Variants in PTPRF observed in about 807,000 individuals in gnomAD.
PTPRF encodes receptor-type tyrosine-protein phosphatase F.
Under a neutral mutation model 201.8 loss-of-function variants are expected in PTPRF, and 59 were observed. The ratio of observed to expected loss-of-function variants is 0.29; its 90% confidence interval spans 0.24 to 0.36. PTPRF has a LOEUF of 0.36. Ranked by LOEUF, PTPRF falls within the 10% of genes least tolerant of loss-of-function variation. The probability of loss-of-function intolerance (pLI) is 1.00; values close to 1 mark genes in which losing one functional copy is unlikely to be tolerated. For synonymous variants in PTPRF, 1,088 were observed against 1,089.7 expected (o/e 1.00, Z 0.03); for missense variants, 2,132 against 2,690.5 (o/e 0.79, Z 4.59).
rs1189049815 is a variant in PTPRF, at chr1:43,591,380, C to T, written c.1358C>T (p.Pro453Leu). ...LVRGYRVYYT[P>L]DSRRPPNAWH... is the part of the protein sequence containing the mutation. ...CGGGGATACCGCGTCTACTATACTC[C>T]GGACTCCCGCCGCCCCCCGAACGCC... Residue 453 changes from proline (P) to leucine (L), a missense_variant, in exon 9 of 34, where the codon CCG (proline) becomes CTG (leucine). Physicochemically the swap from Pro to Leu is moderately conservative, Grantham distance 98 (BLOSUM62 -3). Coordinates refer to ENST00000359947, the MANE Select transcript of PTPRF (RefSeq NM_002840.5). 3 of 1,557,490 alleles carry T rather than the reference C, an allele frequency of 1.9e-6. No homozygotes were observed. Among genetic ancestry groups the T allele is most frequent in the Non-Finnish European group, 1.7e-6 (2 of 1,152,184 alleles).
At chr1:43,573,620 G>C (rs370485627) in intron 6 of PTPRF, among the ~76,000 whole-genome samples, 4 of 152,350 alleles carry the variant, frequency 2.6e-5, no homozygotes, top group East Asian at 1.9e-4. Flanking sequence ...CACACTGCCA[G>C]TGCATGCTCA....
chr1:43,621,800 C>G (rs1659276190), intron 33 of PTPRF, 135 bp from the exon 34 acceptor site: 1 of 802,794 alleles, frequency 1.2e-6, no homozygotes, highest in African/African-American at 1.7e-5. Context: ...CGCACACTGC[C>G]TGATGTAGCT....
In PTPRF at chr1:43,618,612, C is replaced by T. The variant is rs545008210; in HGVS notation, c.4372-18C>T. 4.4e-6 allele frequency: 7 copies of T among 1,589,252 alleles called. No individual in the cohort carries two copies. In the African/African-American group the frequency reaches 8.1e-5, roughly 18 times the overall value. ...GCCTGTGGGCTTCCTTCAGCCTGCC[C>T]TGCTCATCCTCCTGCAGGTAAAATG... On this transcript the variant is annotated intron_variant, in intron 25 of 33. Transcript: ENST00000359947.
At chr1:43,539,031 C>T (rs1428155155) in intron 2 of PTPRF, among the ~76,000 whole-genome samples, 1 of 152,192 alleles carries the variant, frequency 6.6e-6, no homozygotes, top group Admixed American at 6.5e-5. Context: ...TTCATTCTTT[C>T]ACGGAACACT....
rs1177836675 is a variant in PTPRF, at chr1:43,588,410, T to A, written c.680-321T>A. 6.6e-6 allele frequency among the ~76,000 whole-genome samples: 1 copy of A among 152,120 alleles called. No homozygotes were observed. The highest frequency in any genetic ancestry group is 1.5e-5 in the Non-Finnish European group (1 of 68,024). ...GACCAGGCCTGGACCTTGTACTGAG[T>A]CCCTGTGTGACCCTGGGCAGACAGG... On this transcript the variant is annotated intron_variant, in intron 7 of 33. Transcript: ENST00000359947. The surrounding 1 kb of genome is among the most constrained non-coding windows in gnomAD (Gnocchi z 5.3).
intron 1 of PTPRF, among the ~76,000 whole-genome samples, chr1:43,531,493 G>T (rs996622388): frequency 6.9e-6 from 1 of 145,556 alleles, no homozygotes; most frequent in Non-Finnish European, 1.5e-5. Flanking sequence ...CGCGCTCCGG[G>T]GGCGGCCCTC....
chr1:43,609,296 G>A, intron 21 of PTPRF, 87 bp from the exon 22 acceptor site: 1 of 1,064,094 alleles, frequency 9.4e-7, no homozygotes, highest in East Asian at 2.5e-5. Flanking sequence ...CCGTGGACAT[G>A]GGGGCTCCTT....
intron 5 of PTPRF, among the ~76,000 whole-genome samples, chr1:43,566,574 G>C (rs141282046): frequency 9.1e-4 from 138 of 152,342 alleles, no homozygotes; most frequent in African/African-American, 3.2e-3. Flanking sequence ...TGATAGATCA[G>C]TTTACACCAG....
chr1:43,579,001 T>C, intron 7 of PTPRF, 81 bp downstream of exon 7: 1 of 1,313,414 alleles, frequency 7.6e-7, no homozygotes, highest in Non-Finnish European at 1.1e-6. Context: ...GAGCCCTTGG[T>C]GCAGACACGC....
At chr1:43,533,136 C>T (rs1333773029) in intron 1 of PTPRF, among the ~76,000 whole-genome samples, 1 of 152,050 alleles carries the variant, frequency 6.6e-6, no homozygotes, top group Non-Finnish European at 1.5e-5. Flanking sequence ...TTCCTCTTCC[C>T]TCTTTCTTTC....
In PTPRF at chr1:43,603,314, G is replaced by A; in HGVS notation, c.2341-102G>A. 1 of 1,023,318 alleles carries A rather than the reference G, an allele frequency of 9.8e-7. No individual in the cohort carries two copies. The highest frequency in any genetic ancestry group is 1.5e-6 in the Non-Finnish European group (1 of 657,112). The allele number at this position is 1,023,318 out of a possible 1,614,324, so 63.4% of individuals were successfully genotyped here. A position where few individuals can be genotyped will look rare whatever the true frequency, so the allele number is the denominator to read the frequency against. ...CACCTTCCACAACCCCTGGCCTTGT[G>A]TGCCCCGGGGCTCCCCTCAGGCTAG... On this transcript the variant is annotated intron_variant, in intron 14 of 33. Transcript: ENST00000359947. This position sits in a 1 kb window ranked among gnomAD's most constrained non-coding sequence, Gnocchi z 5.8.
intron 22 of PTPRF, among the ~76,000 whole-genome samples, chr1:43,610,797 A>T (rs1020420461): frequency 6.6e-6 from 1 of 152,230 alleles, no homozygotes; most frequent in Non-Finnish European, 1.5e-5. Flanking sequence ...CCCAGGAGGT[A>T]GAGGTTGCGT....
intron 1 of PTPRF, among the ~76,000 whole-genome samples, chr1:43,534,907 G>A (rs1643908299): frequency 6.6e-6 from 1 of 152,182 alleles, no homozygotes; most frequent in Admixed American, 6.5e-5. Flanking sequence ...TTTGTCAAAT[G>A]ATTATAATAA....
intron 2 of PTPRF, among the ~76,000 whole-genome samples, chr1:43,540,879 G>A (rs1370832334): frequency 6.6e-6 from 1 of 152,270 alleles, no homozygotes; most frequent in Non-Finnish European, 1.5e-5. Flanking sequence ...TAATCCAGTG[G>A]TTGGTTTGGT....
chr1:43,621,374 G>A lies in PTPRF; in HGVS notation c.5655+142G>A, dbSNP rs868778393. The A allele has an allele frequency of 5.9e-6, 7 of 1,189,896 alleles. No homozygotes were observed. The African/African-American group carries it at 7.7e-5, about 13-fold the overall frequency. 73.7% of individuals were successfully genotyped at this position (1,189,896 alleles called of 1,614,324 possible). On this transcript the variant is annotated intron_variant, in intron 33 of 33. Coordinates refer to ENST00000359947, the MANE Select transcript of PTPRF (RefSeq NM_002840.5). ...TCACGTGGCCTGCGATAGGCATGGTGGTGTGTGCTTATGGTCCTACCTACT... is the reference window on the plus strand; with the variant it reads ...TCACGTGGCCTGCGATAGGCATGGTAGTGTGTGCTTATGGTCCTACCTACT...
At chr1:43,543,872 C>G (rs144766441) in intron 2 of PTPRF, among the ~76,000 whole-genome samples, 1 of 152,200 alleles carries the variant, frequency 6.6e-6, no homozygotes, top group Admixed American at 6.5e-5. Flanking sequence ...CATGAGGGAT[C>G]GACCACGTCT....
At chr1:43,578,397 G>A (rs2153997502) in intron 6 of PTPRF, among the ~76,000 whole-genome samples, 1 of 152,334 alleles carries the variant, frequency 6.6e-6, no homozygotes. Flanking sequence ...TCCCAGGCCC[G>A]CCAGTCTGCA....
In PTPRF at chr1:43,611,855, C is replaced by T. The variant is rs557946783; in HGVS notation, c.3974-1763C>T. ...TGAATGAGCAGGGGGTAGGGGTGTCCTGGGGCTGGTGGGTCTGTGGGTCTG... is the reference window on the plus strand; with the variant it reads ...TGAATGAGCAGGGGGTAGGGGTGTCTTGGGGCTGGTGGGTCTGTGGGTCTG... On this transcript the variant is annotated intron_variant, in intron 22 of 33. Coordinates refer to ENST00000359947, the MANE Select transcript of PTPRF (RefSeq NM_002840.5). 3.9e-5 allele frequency among the ~76,000 whole-genome samples: 6 copies of T among 152,128 alleles called. No individual in the cohort carries two copies. The South Asian group carries it at 6.2e-4, about 16-fold the overall frequency.
chr1:43,603,697 G>A lies in PTPRF; in HGVS notation c.2545G>A (p.Glu849Lys), dbSNP rs1343911174. The A allele has an allele frequency of 1.5e-5, 24 of 1,613,536 alleles. No homozygotes were observed. The highest frequency in any genetic ancestry group is 4.0e-5 in the African/African-American group (3 of 74,936). The change falls in exon 16 of 34, where the codon GAG (glutamate) becomes AAG (lysine). Residue 849 changes from glutamate to lysine, a missense_variant. This residue lies in a region of PTPRF where 818 missense variants were observed against 915.3 expected (regional missense o/e 0.89). Transcript: ENST00000359947. This position sits in a 1 kb window ranked among gnomAD's most constrained non-coding sequence, Gnocchi z 5.8. The part of the protein sequence containing the change: ...QWHPPKELPG[E>K]LLGYRLQYCR... ...GCACCCACCCAAGGAACTGCCTGGCGAGCTGCTGGGCTACCGGCTGCAGTA... is the reference window on the plus strand; with the variant it reads ...GCACCCACCCAAGGAACTGCCTGGCAAGCTGCTGGGCTACCGGCTGCAGTA...
Sources: allele counts gnomAD v4.1 joint callset (sites outside exome capture counted in the v4.1 genomes callset), GRCh38; gene constraint gnomAD v4.1.1; regional missense constraint gnomAD v4.1.1; non-coding constraint Gnocchi (gnomAD v3.1); transcripts MANE v1.5; gene names NCBI Gene and HGNC (gene_info 2026-07-23, HGNC 2026-07-21).